PLXNA4: variants seen among roughly 807,000 people sequenced by gnomAD.
The protein encoded by PLXNA4 is plexin A4, also known as plexin-A4.
In PLXNA4, 44 loss-of-function variants were observed where a neutral mutation model predicts 191.8. The ratio of observed to expected loss-of-function variants is 0.23; its 90% CI spans 0.18 to 0.29. The LOEUF is 0.29. Among genes scored for constraint, PLXNA4 ranks in the 10% least tolerant of loss-of-function variants. The probability of loss-of-function intolerance (pLI) is 1.00; values close to 1 mark genes in which losing one functional copy is unlikely to be tolerated. For missense variants in PLXNA4, 1,800 were observed against 2,488.8 expected, an observed-to-expected ratio of 0.72 and a Z score of 5.89; for synonymous variants, 1,082 against 1,009.5, an observed-to-expected ratio of 1.07 and a Z score of -1.36.
chr7:132,468,070 G>A (rs1034850617), intron 3 of PLXNA4, among the ~76,000 whole-genome samples: 3 of 152,128 alleles, frequency 2.0e-5, no homozygotes, highest in Non-Finnish European at 2.9e-5. Context: ...TGGTGTGACC[G>A]AGTTGGAATA....
At chr7:132,260,379 C>T (rs968104692) in intron 4 of PLXNA4, among the ~76,000 whole-genome samples, 1 of 152,034 alleles carries the variant, frequency 6.6e-6, no homozygotes, top group East Asian at 1.9e-4. Flanking sequence ...AACTGGAGGC[C>T]GTTATCCTAA....
intron 1 of PLXNA4, among the ~76,000 whole-genome samples, chr7:132,516,775 T>C (rs761076053): frequency 1.8e-4 from 27 of 152,036 alleles, no homozygotes; most frequent in Non-Finnish European, 3.7e-4. Context: ...CTAGCCAATA[T>C]AGTGAAACCC....
chr7:132,613,183 C>T (rs1368225514), intron 2 of PLXNA4, among the ~76,000 whole-genome samples: 1 of 152,132 alleles, frequency 6.6e-6, no homozygotes, highest in Non-Finnish European at 1.5e-5. Flanking sequence ...CTTTCCTCCT[C>T]CCTCCCTGGG....
chr7:132,609,886 A>T (rs1803013696), intron 2 of PLXNA4, among the ~76,000 whole-genome samples: 1 of 152,108 alleles, frequency 6.6e-6, no homozygotes, highest in South Asian at 2.1e-4. Context: ...ACTGGCTTTT[A>T]TTTACCTTAT....
Position 132,165,123 on chromosome 7 carries a change from T to A in PLXNA4, c.4353+11A>T, listed in dbSNP as rs1047778502. ...AGGCAAGGCCAGAAATACGTCCACA[T>A]CCAACCCTACCTTGAGGAACTTGTA... On this transcript the variant is annotated intron_variant, in intron 23 of 31. Transcript: ENST00000321063. 7 of 1,612,484 alleles carry A rather than the reference T, an allele frequency of 4.3e-6. No homozygotes were observed. Among genetic ancestry groups the A allele is most frequent in the Non-Finnish European group, 5.9e-6 (7 of 1,178,918 alleles).
intron 1 of PLXNA4, among the ~76,000 whole-genome samples, chr7:132,567,202 C>A (rs182896965): frequency 6.6e-6 from 1 of 152,254 alleles, no homozygotes. Flanking sequence ...AGAGAGGATG[C>A]TTGCAAAACT....
rs1794827765 is a variant in PLXNA4, at chr7:132,128,122, T to C, written c.*2357A>G. The C allele has an allele frequency of 6.6e-6, 1 of 151,956 alleles. No individual in the cohort carries two copies. Among genetic ancestry groups the C allele is most frequent in the Non-Finnish European group, 1.5e-5 (1 of 68,024 alleles). The allele number at this position is 151,956 out of a possible 1,614,324, so 9.4% of individuals were successfully genotyped here. On this transcript the variant is annotated 3_prime_UTR_variant, in exon 32 of 32. Coordinates refer to ENST00000321063, the MANE Select transcript of PLXNA4 (RefSeq NM_020911.2). ...CCAACCCTTTATATGTGCAAAAATA[T>C]TGTAGTGACCGAGGTACTTCCTCAG...
chr7:132,486,692 T>C (rs960807293), intron 3 of PLXNA4, among the ~76,000 whole-genome samples: 22 of 152,308 alleles, frequency 1.4e-4, no homozygotes, highest in African/African-American at 4.8e-4. Context: ...GGAAATTAGA[T>C]AGAATATCCC....
chr7:132,595,730 T>TC (rs1802698037), intron 2 of PLXNA4, among the ~76,000 whole-genome samples: 2 of 151,972 alleles, frequency 1.3e-5, no homozygotes, highest in South Asian at 2.1e-4. Flanking sequence ...CCATTCTTTC[T>TC]TCCCCCAAGT....
At chr7:132,223,662 G>A in intron 8 of PLXNA4, 21 bp from the exon 9 acceptor site, 3 of 1,597,642 alleles carry the variant, frequency 1.9e-6, no homozygotes, top group Non-Finnish European at 1.7e-6. Flanking sequence ...GGGAAGGGAG[G>A]CACAAATCTA....
intron 1 of PLXNA4, among the ~76,000 whole-genome samples, chr7:132,563,479 TG>T: frequency 1.1e-5 from 1 of 87,552 alleles, no homozygotes; most frequent in Non-Finnish European, 2.3e-5. Context: ...CTCCTTCTGC[TG>T]CTCCTCCTCC....
chr7:132,647,795 C>T (rs1380552681), intron 1 of PLXNA4, among the ~76,000 whole-genome samples: 1 of 150,506 alleles, frequency 6.6e-6, no homozygotes, highest in African/African-American at 2.5e-5. Flanking sequence ...CACATATACA[C>T]ACACAGTCAC....
intron 10 of PLXNA4, among the ~76,000 whole-genome samples, chr7:132,208,685 G>A (rs1275289406): frequency 1.3e-5 from 2 of 152,230 alleles, no homozygotes; most frequent in Non-Finnish European, 2.9e-5. Flanking sequence ...ATTCCCAGGG[G>A]AGGAGCTATG....
At chr7:132,291,554 T>G (rs564515102) in intron 4 of PLXNA4, among the ~76,000 whole-genome samples, 1 of 152,286 alleles carries the variant, frequency 6.6e-6, no homozygotes, top group Non-Finnish European at 1.5e-5. Context: ...ATTGAATGAA[T>G]AAGGTGCTGA....
intron 3 of PLXNA4, among the ~76,000 whole-genome samples, chr7:132,303,371 C>T (rs1385016441): frequency 1.3e-5 from 2 of 149,814 alleles, no homozygotes; most frequent in Non-Finnish European, 3.0e-5. Flanking sequence ...GAGATCAAGA[C>T]TATCCTGGCC....
rs1345719649 is a variant in PLXNA4, at chr7:132,182,061, G to A, written c.3252+36C>T. 4.3e-6 allele frequency: 7 copies of A among 1,613,830 alleles called. No homozygotes were observed. The South Asian group carries it at 6.6e-5, about 15-fold the overall frequency. ...CTTTGGGGAAGCAACGTGTTGCATG[G>A]GCAGCCTCCATGAACCCCATCAGCC... On this transcript the variant is annotated intron_variant, in intron 17 of 31. Transcript: ENST00000321063.
chr7:132,369,583 G>A (rs1025845913), intron 3 of PLXNA4, among the ~76,000 whole-genome samples: 16 of 152,170 alleles, frequency 1.1e-4, no homozygotes, highest in Admixed American at 2.0e-4. Context: ...AGAGGGCACC[G>A]ACCATCTGTG....
At position 132,564,097 on chromosome 7, in the gene PLXNA4, C is replaced by G. The variant is rs1180306382; in HGVS notation, c.-87+12325G>C. On this transcript the variant is annotated intron_variant, in intron 1 of 31. Coordinates refer to ENST00000321063, the MANE Select transcript of PLXNA4 (RefSeq NM_020911.2). ...CCTCCTCCTCCTTCTCTTCCTCCTC[C>G]TCCTCCTCCTTCTCCTCCTCCTCTT... 5.5e-5 allele frequency among the ~76,000 whole-genome samples: 7 copies of G among 128,208 alleles called. 2 individuals carry two copies. Among genetic ancestry groups the G allele is most frequent in the Non-Finnish European group, 1.2e-4 (7 of 60,688 alleles). The allele number at this position is 128,208 out of a possible 152,430, so 84.1% of individuals were successfully genotyped here. A position where few individuals can be genotyped will look rare whatever the true frequency, so the allele number is the denominator to read the frequency against.
Position 132,414,819 on chromosome 7 carries a change from C to T in PLXNA4, c.1371+74473G>A, listed in dbSNP as rs888714745. ...GTTCCATGGAAACATGGCACCCACA[C>T]GAAAACCTCCCACACACCTCATGGA... On this transcript the variant is annotated intron_variant, in intron 3 of 31. Coordinates refer to ENST00000321063, the MANE Select transcript of PLXNA4 (RefSeq NM_020911.2). Among the ~76,000 whole-genome samples, 6 of 152,274 alleles carry T rather than the reference C, an allele frequency of 3.9e-5. No individual in the cohort carries two copies. In the South Asian group the frequency reaches 8.3e-4, roughly 21 times the overall value.
Sources: gnomAD v4.1 joint callset for allele counts (sites outside exome capture counted in the v4.1 genomes callset) on GRCh38, gnomAD v4.1.1 for gene constraint, MANE v1.5 for transcripts, NCBI Gene and HGNC (gene_info 2026-07-23, HGNC 2026-07-21) for gene names.